The following NTM variants were observed in gnomAD, a reference collection of about 807,000 sequenced individuals.
NTM encodes the protein neurotrimin.
In NTM, 13 loss-of-function variants were observed where a neutral mutation model predicts 42.1. The observed-to-expected ratio is 0.31, with a 90% CI of 0.20 to 0.49. NTM has a LOEUF of 0.49. Ranked by LOEUF, NTM falls within the 20% of genes least tolerant of loss-of-function variation. The probability of loss-of-function intolerance (pLI) is 0.99; values close to 1 mark genes in which losing one functional copy is unlikely to be tolerated. For synonymous variants in NTM, 187 were observed against 179.2 expected, an observed-to-expected ratio of 1.04 and a Z score of -0.35; for missense variants, 373 against 452.8, an observed-to-expected ratio of 0.82 and a Z score of 1.60.
intron 1 of NTM, among the ~76,000 whole-genome samples, chr11:131,415,931 C>A (rs1946897860): frequency 6.6e-6 from 1 of 152,174 alleles, no homozygotes; most frequent in Non-Finnish European, 1.5e-5. Context: ...AACATATACA[C>A]AATGTCCTTC....
At chr11:132,073,583 T>C (rs2057984970) in intron 2 of NTM, among the ~76,000 whole-genome samples, 1 of 152,180 alleles carries the variant, frequency 6.6e-6, no homozygotes, top group Non-Finnish European at 1.5e-5. Context: ...TCAGAGTGTC[T>C]TGACCTGGAG....
intron 1 of NTM, among the ~76,000 whole-genome samples, chr11:131,408,310 G>A (rs1018378140): frequency 3.9e-5 from 6 of 152,200 alleles, no homozygotes; most frequent in African/African-American, 1.2e-4. Context: ...AGAAGCTTAC[G>A]TAAGTTAGAA....
chr11:131,727,757 G>C (rs1157060510), intron 1 of NTM, among the ~76,000 whole-genome samples: 1 of 152,100 alleles, frequency 6.6e-6, no homozygotes, highest in Non-Finnish European at 1.5e-5. Flanking sequence ...CCATTTTTTA[G>C]GCTAATCTGC....
In NTM at chr11:131,671,833, G is replaced by A. The variant is rs988074767; in HGVS notation, c.83-239731G>A. Among the ~76,000 whole-genome samples, 15 of 152,280 alleles carry A rather than the reference G, an allele frequency of 9.9e-5. No homozygotes were observed. In the East Asian group the frequency reaches 2.7e-3, roughly 28 times the overall value. On this transcript the variant is annotated intron_variant, in intron 1 of 8. Transcript: ENST00000683400. The stretch of plus-strand genomic sequence containing the variant: ...GCTGGTGGAGGCAATGATATTTGTT[G>A]GTTTGAGAGCTAAGGCCCCTCTGAA...
At chr11:131,966,415 G>T (rs1239941109) in intron 2 of NTM, among the ~76,000 whole-genome samples, 1 of 152,122 alleles carries the variant, frequency 6.6e-6, no homozygotes, top group East Asian at 1.9e-4. Context: ...TCTACAGTAT[G>T]CAAAAGGTGA....
chr11:131,851,822 T>C (rs2045591006), intron 1 of NTM, among the ~76,000 whole-genome samples: 3 of 151,968 alleles, frequency 2.0e-5, no homozygotes, highest in Admixed American at 1.3e-4. Flanking sequence ...TCTAACACTT[T>C]AGTAAAATAG....
intron 7 of NTM, 178 bp downstream of exon 7, chr11:132,314,881 G>A (rs569308417): frequency 7.4e-7 from 1 of 1,360,302 alleles, no homozygotes; most frequent in South Asian, 2.1e-5. Flanking sequence ...CAGAGAGACA[G>A]GGAGGAGGCA....
chr11:131,878,640 T>TATATATATAA (rs1488317297), intron 1 of NTM, among the ~76,000 whole-genome samples: 1 of 121,364 alleles, frequency 8.2e-6, no homozygotes, highest in African/African-American at 3.4e-5. Context: ...TATATATATA[T>TATATATATAA]AATGTCTTAT....
chr11:131,739,527 C>T (rs1264212566), intron 1 of NTM, among the ~76,000 whole-genome samples: 1 of 152,166 alleles, frequency 6.6e-6, no homozygotes, highest in Non-Finnish European at 1.5e-5. Flanking sequence ...CTCTCCTCAC[C>T]CCACACTGGC....
chr11:131,456,941 G>A (rs1206891310), intron 1 of NTM, among the ~76,000 whole-genome samples: 2 of 152,210 alleles, frequency 1.3e-5, no homozygotes, highest in Admixed American at 6.5e-5. Context: ...AACACCATGT[G>A]TGAGGTCCTA....
intron 1 of NTM, among the ~76,000 whole-genome samples, chr11:131,788,554 A>C (rs943335644): frequency 6.6e-6 from 1 of 152,120 alleles, no homozygotes; most frequent in Admixed American, 6.6e-5. Context: ...TTCCGTGCTG[A>C]CACAATCAGA....
chr11:131,666,288 T>C (rs908625787), intron 1 of NTM, among the ~76,000 whole-genome samples: 1 of 152,124 alleles, frequency 6.6e-6, no homozygotes, highest in Non-Finnish European at 1.5e-5. Flanking sequence ...TCATGAGATG[T>C]CCACACCCTG....
At chr11:132,100,881 C>T (rs2061544267) in intron 2 of NTM, among the ~76,000 whole-genome samples, 1 of 152,172 alleles carries the variant, frequency 6.6e-6, no homozygotes, top group African/African-American at 2.4e-5. Flanking sequence ...GGGAAGACTT[C>T]TGCATAGAAA....
chr11:132,191,180 C>G (rs935084426), intron 3 of NTM, among the ~76,000 whole-genome samples: 1 of 152,120 alleles, frequency 6.6e-6, no homozygotes, highest in African/African-American at 2.4e-5. Flanking sequence ...CGGCCACCAC[C>G]CAACGAAGTG....
At chr11:132,308,676 A>G (rs1488873389) in intron 5 of NTM, among the ~76,000 whole-genome samples, 1 of 152,074 alleles carries the variant, frequency 6.6e-6, no homozygotes, top group Non-Finnish European at 1.5e-5. Flanking sequence ...AGGATACTGT[A>G]TCTAGGAGAA....
rs188288019 is a variant in NTM, at chr11:131,989,975, G to A, written c.167+78327G>A. ...ATAGTAATGTAATTCTTTCATGCAA[G>A]AAGTTGTAAATATTTGGAACAATAA... On this transcript the variant is annotated intron_variant, in intron 2 of 8. Coordinates refer to ENST00000683400, the MANE Select transcript of NTM (RefSeq NM_001352005.2). Among the ~76,000 whole-genome samples, 5 of 152,214 alleles carry A rather than the reference G, an allele frequency of 3.3e-5. 1 individual carries two copies. Among genetic ancestry groups the A allele is most frequent in the African/African-American group, 1.2e-4 (5 of 41,568 alleles).
chr11:131,653,156 G>T (rs1348658518), intron 1 of NTM, among the ~76,000 whole-genome samples: 1 of 152,226 alleles, frequency 6.6e-6, no homozygotes, highest in Non-Finnish European at 1.5e-5. Context: ...AAAGGAGAAG[G>T]CAGGAAAGAA....
At chr11:132,088,124 C>T (rs1281784450) in intron 2 of NTM, among the ~76,000 whole-genome samples, 1 of 152,192 alleles carries the variant, frequency 6.6e-6, no homozygotes, top group Admixed American at 6.5e-5. Flanking sequence ...GGTGGTGGAA[C>T]ACCCCCAATA....
chr11:132,113,059 C>T (rs1390085869), intron 2 of NTM, among the ~76,000 whole-genome samples: 1 of 152,120 alleles, frequency 6.6e-6, no homozygotes, highest in African/African-American at 2.4e-5. Flanking sequence ...CAGTCATCCT[C>T]TCCTAGGTAT....
Sources: gnomAD v4.1 joint callset for allele counts (sites outside exome capture counted in the v4.1 genomes callset) on GRCh38, gnomAD v4.1.1 for gene constraint, MANE v1.5 for transcripts, NCBI Gene and HGNC (gene_info 2026-07-23, HGNC 2026-07-21) for gene names.